GPHN: variants seen among roughly 807,000 people sequenced by gnomAD.
GPHN encodes gephyrin.
Under a neutral mutation model 95.5 loss-of-function variants are expected in GPHN, and 17 were observed. The ratio of observed to expected loss-of-function variants is 0.18; its 90% confidence interval spans 0.12 to 0.27. The LOEUF (loss-of-function observed/expected upper bound fraction) is 0.27. GPHN is among the 10% of genes least tolerant of loss of function. The pLI, the probability that GPHN is intolerant of heterozygous loss-of-function variation, is 1.00. For missense variants in GPHN, 660 were observed against 978.1 expected, an observed-to-expected ratio of 0.67 and a Z score of 4.34; for synonymous variants, 320 against 322.5, an observed-to-expected ratio of 0.99 and a Z score of 0.08.
chr14:66,900,018 A>G (rs2065050670), intron 5 of GPHN, among the ~76,000 whole-genome samples: 1 of 151,890 alleles, frequency 6.6e-6, no homozygotes, highest in African/African-American at 2.4e-5. Flanking sequence ...TGTCCATCTC[A>G]TCTAAGTTGT....
the GPHN span, among the ~76,000 whole-genome samples, chr14:67,537,352 TA>T: frequency 7.6e-6 from 1 of 131,104 alleles, no homozygotes; most frequent in Non-Finnish European, 1.6e-5. Context: ...TCAAAAATAA[TA>T]ATAATAATAA....
At chr14:66,782,335 A>G (rs2059633571) in intron 3 of GPHN, among the ~76,000 whole-genome samples, 1 of 152,144 alleles carries the variant, frequency 6.6e-6, no homozygotes, top group Non-Finnish European at 1.5e-5. Context: ...ATAGTAGGAA[A>G]GGTCCTGTGT....
At chr14:67,376,245 T>G in the GPHN span, among the ~76,000 whole-genome samples, 1 of 152,230 alleles carries the variant, frequency 6.6e-6, no homozygotes. Context: ...CTGTCAAGAC[T>G]TGATCCAGGT....
chr14:67,039,937 TAA>T (rs2074614780), intron 10 of GPHN, among the ~76,000 whole-genome samples: 1 of 152,218 alleles, frequency 6.6e-6, no homozygotes, highest in Non-Finnish European at 1.5e-5. Flanking sequence ...ACTGTGTGCA[TAA>T]CATCTTTGGA....
At chr14:67,520,372 G>C in the GPHN span, among the ~76,000 whole-genome samples, 66 of 152,156 alleles carry the variant, frequency 4.3e-4, 2 homozygotes, top group Non-Finnish European at 1.2e-4. Flanking sequence ...GGCAACCACT[G>C]TTCTTTTCAC....
At chr14:67,704,577 T>C in the GPHN span, among the ~76,000 whole-genome samples, 6 of 152,320 alleles carry the variant, frequency 3.9e-5, no homozygotes, top group East Asian at 7.7e-4. Context: ...GTATTATACC[T>C]AAAACTCAGC....
intron 10 of GPHN, among the ~76,000 whole-genome samples, chr14:67,051,787 G>C (rs1029864846): frequency 5.9e-5 from 9 of 152,202 alleles, no homozygotes; most frequent in Non-Finnish European, 1.2e-4. Context: ...CAAGCCAGAA[G>C]AGATTGGGGG....
chr14:66,853,479 C>T (rs1481554624), intron 4 of GPHN, among the ~76,000 whole-genome samples: 2 of 152,192 alleles, frequency 1.3e-5, no homozygotes, highest in Admixed American at 1.3e-4. Context: ...CACAGTTCCA[C>T]ATGGCTGGGG....
chr14:67,071,399 C>T (rs867798578), intron 11 of GPHN, among the ~76,000 whole-genome samples: 4 of 151,752 alleles, frequency 2.6e-5, no homozygotes, highest in South Asian at 2.1e-4. Context: ...AACCAAACAC[C>T]GCATGTTCTC....
the GPHN span, among the ~76,000 whole-genome samples, chr14:67,298,156 G>A: frequency 1.3e-5 from 2 of 152,152 alleles, no homozygotes; most frequent in African/African-American, 4.8e-5. Context: ...ACTTAATCTT[G>A]TGACAGAGAG....
the GPHN span, among the ~76,000 whole-genome samples, chr14:67,667,410 A>G: frequency 1.3e-5 from 2 of 152,302 alleles, no homozygotes; most frequent in South Asian, 4.1e-4. Context: ...CCCACACCAT[A>G]CAAGAGTTAA....
At chr14:66,959,942 C>G (rs1376151040) in intron 8 of GPHN, among the ~76,000 whole-genome samples, 2 of 151,810 alleles carry the variant, frequency 1.3e-5, no homozygotes, top group Non-Finnish European at 2.9e-5. Flanking sequence ...TTGTTATTTT[C>G]CTTTATTTTT....
At chr14:67,616,741 C>T in the GPHN span, 2 of 151,160 alleles carry the variant, frequency 1.3e-5, no homozygotes, top group South Asian at 2.1e-4. Flanking sequence ...GAATGGGATG[C>T]AACTTTAAAC....
At chr14:67,606,983 A>G in the GPHN span, among the ~76,000 whole-genome samples, 4,590 of 152,294 alleles carry the variant, frequency 0.03, 186 homozygotes, top group African/African-American at 0.087. Flanking sequence ...TATATTCAAA[A>G]TGTGAGAGGT....
chr14:67,158,152 G>A (rs2081725836), intron 18 of GPHN, among the ~76,000 whole-genome samples: 1 of 151,274 alleles, frequency 6.6e-6, no homozygotes, highest in Non-Finnish European at 1.5e-5. Context: ...ACTAAAAATA[G>A]AAAAATTAGC....
chr14:66,778,598 T>G (rs1426271224), intron 3 of GPHN, among the ~76,000 whole-genome samples: 1 of 152,066 alleles, frequency 6.6e-6, no homozygotes, highest in Non-Finnish European at 1.5e-5. Context: ...CATGTAAAGA[T>G]CTCAACAAAT....
intron 1 of GPHN, among the ~76,000 whole-genome samples, chr14:66,607,241 G>GT (rs1018568303): frequency 1.3e-5 from 2 of 152,128 alleles, no homozygotes; most frequent in Non-Finnish European, 2.9e-5. Flanking sequence ...TATGCTTTTT[G>GT]TTTTTGATTC....
chr14:66,706,349 A>G (rs117691241), intron 2 of GPHN, among the ~76,000 whole-genome samples: 5,998 of 152,230 alleles, frequency 0.039, 171 homozygotes, highest in Middle Eastern at 0.065. Flanking sequence ...GATCCCATAT[A>G]GCCAAGACAA....
chr14:67,462,826 C>T, the GPHN span, among the ~76,000 whole-genome samples: 1 of 152,140 alleles, frequency 6.6e-6, no homozygotes, highest in Non-Finnish European at 1.5e-5. Flanking sequence ...GTTGAGTATT[C>T]TGGTTTGGGT....
Sources: gnomAD v4.1 joint callset for allele counts (sites outside exome capture counted in the v4.1 genomes callset) on GRCh38, gnomAD v4.1.1 for gene constraint, MANE v1.5 for transcripts, NCBI Gene and HGNC (gene_info 2026-07-23, HGNC 2026-07-21) for gene names.